SLC39A11: variants seen among roughly 807,000 people sequenced by gnomAD.
SLC39A11 encodes the protein zinc transporter ZIP11.
In SLC39A11, 33 loss-of-function variants were observed where a neutral mutation model predicts 36.1. That is an observed-to-expected ratio of 0.91 (90% CI 0.69 to 1.22). The LOEUF is 1.22. SLC39A11 is among the 50% of genes most tolerant of loss of function. The probability of loss-of-function intolerance (pLI) is 0.00; values close to 1 mark genes in which losing one functional copy is unlikely to be tolerated. For missense variants in SLC39A11, 432 were observed against 430.3 expected (o/e 1.00, Z -0.03); for synonymous variants, 166 against 170.3 (o/e 0.97, Z 0.20).
intron 5 of SLC39A11, among the ~76,000 whole-genome samples, chr17:72,924,482 A>G (rs1002842198): frequency 3.9e-5 from 6 of 152,108 alleles, no homozygotes; most frequent in African/African-American, 1.4e-4. Context: ...ATAAAAATTG[A>G]TCATTGTTTA....
chr17:72,758,733 A>G (rs1598604736), intron 6 of SLC39A11, among the ~76,000 whole-genome samples: 1 of 152,106 alleles, frequency 6.6e-6, no homozygotes, highest in Non-Finnish European at 1.5e-5. Flanking sequence ...ACTGACAGCC[A>G]CCCGGACTTC....
intron 5 of SLC39A11, among the ~76,000 whole-genome samples, chr17:72,862,498 C>T (rs2080090299): frequency 6.6e-6 from 1 of 152,142 alleles, no homozygotes; most frequent in Non-Finnish European, 1.5e-5. Flanking sequence ...AGGCTGGGAG[C>T]ATCCTTTCCC....
At chr17:72,922,453 A>G (rs2083727023) in intron 5 of SLC39A11, among the ~76,000 whole-genome samples, 1 of 152,238 alleles carries the variant, frequency 6.6e-6, no homozygotes, top group Admixed American at 6.5e-5. Context: ...CAAAGGATTG[A>G]CGAAAGCAGG....
chr17:72,945,299 G>A (rs1402094242), intron 5 of SLC39A11, among the ~76,000 whole-genome samples: 2 of 152,172 alleles, frequency 1.3e-5, no homozygotes, highest in African/African-American at 2.4e-5. Flanking sequence ...GGCCTTTCTA[G>A]TTCTTCCTCT....
At chr17:73,023,802 G>A (rs2058440503) in intron 4 of SLC39A11, among the ~76,000 whole-genome samples, 1 of 152,168 alleles carries the variant, frequency 6.6e-6, no homozygotes, top group African/African-American at 2.4e-5. Context: ...AAATGGTGCT[G>A]TTTGGGTGGG....
intron 3 of SLC39A11, among the ~76,000 whole-genome samples, chr17:73,064,114 G>C (rs2059927149): frequency 6.6e-6 from 1 of 151,892 alleles, no homozygotes; most frequent in South Asian, 2.1e-4. Context: ...AAAAAAGAAA[G>C]AAAACCTACG....
At position 73,047,993 on chromosome 17, in the gene SLC39A11, ATATATATAT is replaced by A. The variant is rs2059372936; in HGVS notation, c.148-16288_148-16280del. On this transcript the variant is annotated intron_variant, in intron 3 of 9. Transcript: ENST00000255559. The stretch of plus-strand genomic sequence containing the variant: ...AAAAAAAAAAAAAAAAAAAAAAAAT[ATATATATAT>A]ATATATATATATATATATATATATC... Among the ~76,000 whole-genome samples the A allele has an allele frequency of 1.6e-3, 88 of 54,998 alleles. 1 individual carries two copies. Among genetic ancestry groups the A allele is most frequent in the African/African-American group, 5.3e-3 (75 of 14,126 alleles). The allele number at this position is 54,998 out of a possible 152,430, so 36.1% of individuals were successfully genotyped here. A position where few individuals can be genotyped will look rare whatever the true frequency, so the allele number is the denominator to read the frequency against.
At chr17:72,891,521 C>A (rs1218030769) in intron 5 of SLC39A11, among the ~76,000 whole-genome samples, 1 of 152,130 alleles carries the variant, frequency 6.6e-6, no homozygotes, top group Non-Finnish European at 1.5e-5. Flanking sequence ...ACTTGCTGCT[C>A]CCCAGTCTGG....
intron 6 of SLC39A11, among the ~76,000 whole-genome samples, chr17:72,831,924 C>T (rs1414808501): frequency 1.3e-5 from 2 of 152,106 alleles, no homozygotes; most frequent in African/African-American, 4.8e-5. Context: ...AATTGCCATT[C>T]TTAAAGACGC....
intron 1 of SLC39A11, 107 bp from the exon 2 acceptor site, chr17:73,088,882 T>C (rs1482553200): frequency 1.3e-6 from 1 of 768,820 alleles, no homozygotes; most frequent in Non-Finnish European, 2.2e-6. Context: ...TCCCTCCAGG[T>C]TGACCGTATG....
chr17:73,089,024 C>CA (rs1443589664), intron 1 of SLC39A11, among the ~76,000 whole-genome samples: 1 of 152,034 alleles, frequency 6.6e-6, no homozygotes, highest in Non-Finnish European at 1.5e-5. Context: ...GGGGAATCCA[C>CA]AAAAAAGGCT....
chr17:72,966,874 ATC>A (rs2087024885), intron 4 of SLC39A11, among the ~76,000 whole-genome samples: 1 of 152,276 alleles, frequency 6.6e-6, no homozygotes, highest in South Asian at 2.1e-4. Flanking sequence ...CGGCCGCTTC[ATC>A]TGTATTTACA....
chr17:73,028,255 C>T (rs1286293817), intron 4 of SLC39A11, among the ~76,000 whole-genome samples: 3 of 152,128 alleles, frequency 2.0e-5, no homozygotes, highest in African/African-American at 7.2e-5. Flanking sequence ...AGCCCTGCTC[C>T]TACCCTGTTA....
chr17:72,900,004 AAGAGAGAGAGAG>A (rs773613706), intron 5 of SLC39A11, among the ~76,000 whole-genome samples: 27 of 128,540 alleles, frequency 2.1e-4, no homozygotes, highest in African/African-American at 1.0e-3. Flanking sequence ...GAGAGAGAGA[AAGAGAGAGAGAG>A]AGAAAGAGAG....
intron 4 of SLC39A11, among the ~76,000 whole-genome samples, chr17:73,022,672 T>C (rs553346732): frequency 4.1e-5 from 6 of 147,520 alleles, no homozygotes; most frequent in Admixed American, 6.8e-5. Flanking sequence ...CTTTTCAGCC[T>C]GTCTGCATGC....
At chr17:72,900,133 A>T (rs1352556528) in intron 5 of SLC39A11, among the ~76,000 whole-genome samples, 1 of 93,700 alleles carries the variant, frequency 1.1e-5, no homozygotes, top group African/African-American at 7.9e-5. Context: ...AAAGAAAGAA[A>T]GAAAGAAAAA....
intron 5 of SLC39A11, among the ~76,000 whole-genome samples, chr17:72,927,624 T>C (rs2452924): frequency 0.34 from 51,151 of 151,992 alleles, 9,276 homozygotes; most frequent in Admixed American, 0.44. Flanking sequence ...CAATTCCATG[T>C]TGCAATCACG....
intron 3 of SLC39A11, among the ~76,000 whole-genome samples, chr17:73,075,355 T>C (rs1410325173): frequency 6.6e-6 from 1 of 152,198 alleles, no homozygotes; most frequent in Non-Finnish European, 1.5e-5. Flanking sequence ...CCGAGGTCAC[T>C]CTGCCAAATA....
In SLC39A11 at chr17:72,655,447, G is replaced by A. The variant is rs955264029; in HGVS notation, c.672-6179C>T. Among the ~76,000 whole-genome samples the A allele has an allele frequency of 5.3e-5, 8 of 152,348 alleles. 1 individual carries two copies. The highest frequency in any genetic ancestry group is 4.1e-4 in the South Asian group (2 of 4,830). ...GAGCACCGGCAAATGCCGATGCCTC[G>A]GCCCTGCCCTGGAGATCTCGGTTTA... On this transcript the variant is annotated intron_variant, in intron 7 of 9. Coordinates refer to ENST00000255559, the MANE Select transcript of SLC39A11 (RefSeq NM_139177.4).
Sources: allele counts gnomAD v4.1 joint callset (sites outside exome capture counted in the v4.1 genomes callset), GRCh38; gene constraint gnomAD v4.1.1; transcripts MANE v1.5; gene names NCBI Gene and HGNC (gene_info 2026-07-23, HGNC 2026-07-21).